SIX3: variants seen among roughly 807,000 people sequenced by gnomAD.
The protein encoded by SIX3 is SIX homeobox 3.
Under a neutral mutation model 21.7 loss-of-function variants are expected in SIX3, and 2 were observed. The observed-to-expected ratio is 0.09, with a 90% CI of 0.04 to 0.29. SIX3 has a LOEUF of 0.29. Ranked by LOEUF, SIX3 falls within the 10% of genes least tolerant of loss-of-function variation. The probability of loss-of-function intolerance (pLI) is 1.00; values close to 1 mark genes in which losing one functional copy is unlikely to be tolerated. For synonymous variants in SIX3, 243 were observed against 220.6 expected, an observed-to-expected ratio of 1.10 and a Z score of -0.90; for missense variants, 347 against 480.7, an observed-to-expected ratio of 0.72 and a Z score of 2.60.
In SIX3 at chr2:44,942,530, G is replaced by A; in HGVS notation, c.426G>A (p.Thr142=). 1 of 1,598,424 alleles carries A rather than the reference G, an allele frequency of 6.3e-7. No homozygotes were observed. Among genetic ancestry groups the A allele is most frequent in the East Asian group, 2.2e-5 (1 of 44,836 alleles). The part of the protein sequence containing the change: ...LRARAVVAFH[T]GNFRDLYHIL... ...CGCGCGCCGTGGTCGCCTTCCACACGGGCAACTTCCGCGACCTCTACCACA... is the reference window on the plus strand; with the variant it reads ...CGCGCGCCGTGGTCGCCTTCCACACAGGCAACTTCCGCGACCTCTACCACA... The change falls in exon 1 of 2, where the codon ACG becomes ACA. Residue 142 remains threonine (T), a synonymous_variant. Transcript: ENST00000260653. The surrounding 1 kb of genome is among the most constrained non-coding windows in gnomAD (Gnocchi z 8.4).
At position 44,942,899 on chromosome 2, in the gene SIX3, G is replaced by A. The variant is rs1258085563; in HGVS notation, c.795G>A (p.Ala265=). 1 of 1,598,336 alleles carries A rather than the reference G, an allele frequency of 6.3e-7. No homozygotes were observed. Among genetic ancestry groups the A allele is most frequent in the African/African-American group, 1.3e-5 (1 of 75,058 alleles). The change falls in exon 1 of 2, where the codon GCG becomes GCA. Residue 265 remains alanine, a synonymous_variant. Coordinates refer to ENST00000260653, the MANE Select transcript of SIX3 (RefSeq NM_005413.4). The surrounding 1 kb of genome is among the most constrained non-coding windows in gnomAD (Gnocchi z 8.4). The part of the protein sequence containing the change: ...KNRRQRDRAA[A]AKNRLQHQAI... ...GGCGGCAGCGCGACCGCGCCGCGGC[G>A]GCCAAGAACAGGTTAGTGGCGGGGC... is the stretch of plus-strand genomic sequence containing the variant.
At position 44,944,592 on chromosome 2, in the gene SIX3, G is replaced by C. The variant is rs370941478; in HGVS notation, c.831G>C (p.Pro277=). The part of the protein sequence containing the change: ...KNRLQHQAIG[P]SGMRSLAEPG... Reference sequence around the variant, plus strand: ...GGCTCCAGCACCAGGCCATTGGACCGAGCGGCATGCGCTCGCTGGCCGAGC... The same window carrying C: ...GGCTCCAGCACCAGGCCATTGGACCCAGCGGCATGCGCTCGCTGGCCGAGC... The change falls in exon 2 of 2, where the codon CCG becomes CCC. Residue 277 remains proline (P), a synonymous_variant. Coordinates refer to ENST00000260653, the MANE Select transcript of SIX3 (RefSeq NM_005413.4). 37 of 1,578,362 alleles carry C rather than the reference G, an allele frequency of 2.3e-5. No individual in the cohort carries two copies. The highest frequency in any genetic ancestry group is 2.9e-5 in the Non-Finnish European group (34 of 1,169,206).
At chr2:44,943,091 A>G (rs1395426074) in intron 1 of SIX3, among the ~76,000 whole-genome samples, 181 bp downstream of exon 1, 2 of 151,734 alleles carry the variant, frequency 1.3e-5, no homozygotes, top group South Asian at 4.2e-4. Context: ...CTGTGGGTGT[A>G]TTGATTGCTT....
In SIX3 at chr2:44,942,171, C is replaced by A; in HGVS notation, c.67C>A (p.His23Asn). ...CTTGTTGCCAAACTTCGCCGATTCT[C>A]ACCACCGCTCCATACTTCTGGCGAG... ...HFLLPNFADS[H>N]HRSILLASSG... Residue 23 changes from histidine (H) to asparagine (N), a missense_variant, in exon 1 of 2, where the codon CAC becomes AAC. By Grantham distance (68) the His-to-Asn change is moderately conservative. This residue lies in a region of SIX3 where 105 missense variants were observed against 116.1 expected (regional missense o/e 0.90). Transcript: ENST00000260653. The surrounding 1 kb of genome is among the most constrained non-coding windows in gnomAD (Gnocchi z 8.4). 5 of 1,598,340 alleles carry A rather than the reference C, an allele frequency of 3.1e-6. No homozygotes were observed. The highest frequency in any genetic ancestry group is 3.4e-6 in the Non-Finnish European group (4 of 1,179,392).
chr2:44,944,541 G>A (rs754713296), intron 1 of SIX3, 27 bp from the exon 2 acceptor site: 40 of 1,553,086 alleles, frequency 2.6e-5, no homozygotes, highest in Non-Finnish European at 3.4e-5. Flanking sequence ...CTGTGTCAGG[G>A]CGGGCGCGGA....
chr2:44,942,996 C>A lies in SIX3; in HGVS notation c.806+86C>A. The A allele has an allele frequency of 1.3e-6, 2 of 1,487,886 alleles. No homozygotes were observed. The highest frequency in any genetic ancestry group is 1.8e-6 in the Non-Finnish European group (2 of 1,126,476). 92.2% of individuals were successfully genotyped at this position (1,487,886 alleles called of 1,614,324 possible). ...TGAGATGGGGCTAGCGGAGCGGCCGCTGAGAGCCAGGGAAGCCGTGACTCC... is the reference window on the plus strand; with the variant it reads ...TGAGATGGGGCTAGCGGAGCGGCCGATGAGAGCCAGGGAAGCCGTGACTCC... On this transcript the variant is annotated intron_variant, in intron 1 of 1. Coordinates refer to ENST00000260653, the MANE Select transcript of SIX3 (RefSeq NM_005413.4). This position sits in a 1 kb window ranked among gnomAD's most constrained non-coding sequence, Gnocchi z 8.4.
chr2:44,943,073 C>A (rs944081782), intron 1 of SIX3, among the ~76,000 whole-genome samples, 163 bp downstream of exon 1: 1 of 152,186 alleles, frequency 6.6e-6, no homozygotes, highest in African/African-American at 2.4e-5. Flanking sequence ...AAGAGGGGGC[C>A]GGGCTGGCTG....
In SIX3 at chr2:44,942,515, G is replaced by A. The variant is rs1313026376; in HGVS notation, c.411G>A (p.Val137=). The change falls in exon 1 of 2, where the codon GTG becomes GTA. Residue 137 remains valine, a synonymous_variant. Coordinates refer to ENST00000260653, the MANE Select transcript of SIX3 (RefSeq NM_005413.4). This position sits in a 1 kb window ranked among gnomAD's most constrained non-coding sequence, Gnocchi z 8.4. ...AGTCGATCCTGCGCGCGCGCGCCGT[G>A]GTCGCCTTCCACACGGGCAACTTCC... The part of the protein sequence containing the change: ...KHESILRARA[V]VAFHTGNFRD... 3 of 1,598,384 alleles carry A rather than the reference G, an allele frequency of 1.9e-6. No homozygotes were observed. The highest frequency in any genetic ancestry group is 2.5e-6 in the Non-Finnish European group (3 of 1,179,774).
rs1666610553 is a variant in SIX3, at chr2:44,943,024, GCCAGTCGGAGAAAGTTT to G, written c.806+117_806+133del. On this transcript the variant is annotated intron_variant, in intron 1 of 1. Coordinates refer to ENST00000260653, the MANE Select transcript of SIX3 (RefSeq NM_005413.4). ...AGAGCCAGGGAAGCCGTGACTCCTG[GCCAGTCGGAGAAAGTTT>G]CCGCTTGTCCGGGACGCGCGGAAGA... is the stretch of plus-strand genomic sequence containing the variant. The G allele has an allele frequency of 2.8e-6, 4 of 1,442,578 alleles. No homozygotes were observed. The South Asian group carries it at 5.8e-5, about 21-fold the overall frequency. The allele number at this position is 1,442,578 out of a possible 1,614,324, so 89.4% of individuals were successfully genotyped here. A position where few individuals can be genotyped will look rare whatever the true frequency, so the allele number is the denominator to read the frequency against.
chr2:44,944,972 C>T lies in SIX3; in HGVS notation c.*212C>T. On this transcript the variant is annotated 3_prime_UTR_variant, in exon 2 of 2. Transcript: ENST00000260653. ...AAAAACAAGAAAATAACAAATTAAC[C>T]GCAAACTATCAACAACCCCCAACCA... The T allele has an allele frequency of 1.6e-6, 1 of 607,046 alleles. No homozygotes were observed. Among genetic ancestry groups the T allele is most frequent in the East Asian group, 2.8e-5 (1 of 35,998 alleles). 37.6% of individuals were successfully genotyped at this position (607,046 alleles called of 1,614,324 possible). A position where few individuals can be genotyped will look rare whatever the true frequency, so the allele number is the denominator to read the frequency against.
chr2:44,941,877 C>T lies in SIX3; in HGVS notation c.-228C>T, dbSNP rs1666577105. 5 of 445,074 alleles carry T rather than the reference C, an allele frequency of 1.1e-5. No homozygotes were observed. The highest frequency in any genetic ancestry group is 1.1e-4 in the South Asian group (4 of 37,324). The allele number at this position is 445,074 out of a possible 1,614,324, so 27.6% of individuals were successfully genotyped here. A position where few individuals can be genotyped will look rare whatever the true frequency, so the allele number is the denominator to read the frequency against. On this transcript the variant is annotated 5_prime_UTR_variant, in exon 1 of 2. Coordinates refer to ENST00000260653, the MANE Select transcript of SIX3 (RefSeq NM_005413.4). The stretch of plus-strand genomic sequence containing the variant: ...GCGCGCGCACCGGGCCGCTCTCCTA[C>T]CTCCCTCTCTATGTGGCTGCGCGGG...
intron 1 of SIX3, 131 bp from the exon 2 acceptor site, chr2:44,944,437 T>C: frequency 9.2e-7 from 1 of 1,083,528 alleles, no homozygotes; most frequent in Non-Finnish European, 1.4e-6. Context: ...GGGTTCTGCC[T>C]CTCCTCCGAG....
chr2:44,942,372 G>C lies in SIX3; in HGVS notation c.268G>C (p.Glu90Gln). ...GCTGCCCACCCTCAACTTCTCGCCG[G>C]AGCAGGTGGCCAGCGTCTGTGAGAC... Reference protein sequence around the residue: ...FQLPTLNFSPEQVASVCETLE... With the variant: ...FQLPTLNFSPQQVASVCETLE... Residue 90 changes from glutamate (E) to glutamine (Q), a missense_variant, in exon 1 of 2, where the codon GAG (glutamate) becomes CAG (glutamine). Physicochemically the swap from Glu to Gln is conservative, Grantham distance 29 (BLOSUM62 2). Around this residue, in one of 4 missense-constraint regions of SIX3, gnomAD observed 117 missense variants for 205.9 expected, o/e 0.57. Coordinates refer to ENST00000260653, the MANE Select transcript of SIX3 (RefSeq NM_005413.4). This position sits in a 1 kb window ranked among gnomAD's most constrained non-coding sequence, Gnocchi z 8.4. 6.3e-7 allele frequency: 1 copy of C among 1,597,304 alleles called. No individual in the cohort carries two copies. The highest frequency in any genetic ancestry group is 2.2e-5 in the East Asian group (1 of 44,820).
Position 44,942,004 on chromosome 2 carries a change from C to A in SIX3, c.-101C>A. On this transcript the variant is annotated 5_prime_UTR_variant, in exon 1 of 2. Coordinates refer to ENST00000260653, the MANE Select transcript of SIX3 (RefSeq NM_005413.4). The surrounding 1 kb of genome is among the most constrained non-coding windows in gnomAD (Gnocchi z 8.4). ...CCCTCCTTTCCTTCTCCTCCTCCCC[C>A]CTCTCCTCTCCCTCCTCCTGGTCCT... 3.6e-6 allele frequency: 3 copies of A among 840,314 alleles called. No individual in the cohort carries two copies. Among genetic ancestry groups the A allele is most frequent in the East Asian group, 2.9e-5 (1 of 34,282 alleles). The allele number at this position is 840,314 out of a possible 1,614,324, so 52.1% of individuals were successfully genotyped here.
chr2:44,945,166 A>G lies in SIX3; in HGVS notation c.*406A>G, dbSNP rs2103646367. The G allele has an allele frequency of 4.8e-6, 1 of 207,778 alleles. No individual in the cohort carries two copies. The highest frequency in any genetic ancestry group is 9.7e-6 in the Non-Finnish European group (1 of 102,894). The allele number at this position is 207,778 out of a possible 1,614,324, so 12.9% of individuals were successfully genotyped here. A position where few individuals can be genotyped will look rare whatever the true frequency, so the allele number is the denominator to read the frequency against. ...CGGCACCCCACCTGCATGACGATTT[A>G]TTTGTATCTGGGAAAATATTCTCTC... On this transcript the variant is annotated 3_prime_UTR_variant, in exon 2 of 2. Transcript: ENST00000260653.
At chr2:44,943,265 A>C (rs1572624625) in intron 1 of SIX3, among the ~76,000 whole-genome samples, 2 of 152,048 alleles carry the variant, frequency 1.3e-5, no homozygotes, top group Non-Finnish European at 1.5e-5. Flanking sequence ...GAAGGAAAGC[A>C]CTCTTTGCCA....
intron 1 of SIX3, among the ~76,000 whole-genome samples, chr2:44,943,693 C>T (rs1167118881): frequency 2.6e-5 from 4 of 152,084 alleles, no homozygotes; most frequent in Non-Finnish European, 4.4e-5. Context: ...AGTGGATAGG[C>T]GAAAGGAGTG....
intron 1 of SIX3, 115 bp from the exon 2 acceptor site, chr2:44,944,453 C>T (rs1041108501): frequency 4.1e-6 from 5 of 1,230,714 alleles, no homozygotes; most frequent in African/African-American, 1.5e-5. Flanking sequence ...CCGAGGCCAG[C>T]CTCTATCTGA....
At position 44,945,113 on chromosome 2, in the gene SIX3, C is replaced by A; in HGVS notation, c.*353C>A. 3.3e-6 allele frequency: 1 copy of A among 306,204 alleles called. No homozygotes were observed. The highest frequency in any genetic ancestry group is 2.2e-5 in the African/African-American group (1 of 45,688). The allele number at this position is 306,204 out of a possible 1,614,324, so 19.0% of individuals were successfully genotyped here. A position where few individuals can be genotyped will look rare whatever the true frequency, so the allele number is the denominator to read the frequency against. ...AATTGTATACTTTCTAGGACAAGCACGGCTTCTCCTTTCGGTTCCCATGGA... is the reference window on the plus strand; with the variant it reads ...AATTGTATACTTTCTAGGACAAGCAAGGCTTCTCCTTTCGGTTCCCATGGA... On this transcript the variant is annotated 3_prime_UTR_variant, in exon 2 of 2. Transcript: ENST00000260653.
Sources: gnomAD v4.1 joint callset for allele counts (sites outside exome capture counted in the v4.1 genomes callset) on GRCh38, gnomAD v4.1.1 for gene constraint, gnomAD v4.1.1 regional missense constraint, Gnocchi (gnomAD v3.1) non-coding constraint, MANE v1.5 for transcripts, NCBI Gene and HGNC (gene_info 2026-07-23, HGNC 2026-07-21) for gene names.